NIPBL: variants seen among roughly 807,000 people sequenced by gnomAD.
NIPBL encodes nipped-B-like protein.
In NIPBL, 19 loss-of-function variants were observed where a neutral mutation model predicts 321.8. The observed-to-expected ratio is 0.06, with a 90% CI of 0.04 to 0.09. The LOEUF (loss-of-function observed/expected upper bound fraction) is 0.09, where lower values mean the gene tolerates loss of function less well. NIPBL is among the 10% of genes least tolerant of loss of function. NIPBL has a pLI of 1.00. For synonymous variants in NIPBL, 1,106 were observed against 1,114.1 expected, an observed-to-expected ratio of 0.99 and a Z score of 0.14; for missense variants, 2,210 against 3,327.0, an observed-to-expected ratio of 0.66 and a Z score of 8.26.
intron 1 of NIPBL, among the ~76,000 whole-genome samples, chr5:36,909,390 C>T (rs2149543718): frequency 6.6e-6 from 1 of 152,274 alleles, no homozygotes; most frequent in East Asian, 1.9e-4. Context: ...TTTGAATCTT[C>T]TTATTTTGTT....
chr5:37,064,116 C>G (rs1163038794), intron 46 of NIPBL, 138 bp downstream of exon 46: 1 of 1,448,498 alleles, frequency 6.9e-7, no homozygotes. Flanking sequence ...GATAGAGATT[C>G]TCTACTTACC....
intron 1 of NIPBL, among the ~76,000 whole-genome samples, chr5:36,883,270 T>C (rs535164754): frequency 6.6e-6 from 1 of 152,082 alleles, no homozygotes; most frequent in Non-Finnish European, 1.5e-5. Context: ...AACATGCATA[T>C]ACCAATTTCC....
intron 1 of NIPBL, among the ~76,000 whole-genome samples, chr5:36,900,040 A>C (rs1747082503): frequency 6.6e-6 from 1 of 152,172 alleles, no homozygotes; most frequent in Non-Finnish European, 1.5e-5. Context: ...TGATTATATT[A>C]ATAGCAATGA....
At chr5:36,972,100 C>T (rs568934786) in intron 8 of NIPBL, 59 bp downstream of exon 8, 2 of 1,098,026 alleles carry the variant, frequency 1.8e-6, no homozygotes, top group Non-Finnish European at 2.8e-6. Context: ...GAATAAAGAA[C>T]TCAGACTTCC....
At chr5:36,973,341 T>A (rs189207376) in intron 8 of NIPBL, among the ~76,000 whole-genome samples, 7 of 152,008 alleles carry the variant, frequency 4.6e-5, no homozygotes, top group Admixed American at 1.3e-4. Flanking sequence ...TTTTCAAAAA[T>A]TTTTTAAAAA....
At chr5:36,975,722 G>T in intron 8 of NIPBL, 54 bp from the exon 9 acceptor site, 1 of 1,534,794 alleles carries the variant, frequency 6.5e-7, no homozygotes, top group Non-Finnish European at 9.0e-7. Flanking sequence ...CTATCACATT[G>T]TAAGAAAATG....
At chr5:37,025,508 G>A (rs1404212112) in intron 30 of NIPBL, among the ~76,000 whole-genome samples, 2 of 152,186 alleles carry the variant, frequency 1.3e-5, no homozygotes, top group East Asian at 1.9e-4. Flanking sequence ...TTAGCAGAGG[G>A]AGGGAAGGGT....
Position 37,003,389 on chromosome 5 carries a change from A to T in NIPBL, c.3855+42A>T, listed in dbSNP as rs533977344. 3.3e-6 allele frequency: 4 copies of T among 1,195,794 alleles called. No individual in the cohort carries two copies. In the East Asian group the frequency reaches 9.4e-5, roughly 28 times the overall value. The allele number at this position is 1,195,794 out of a possible 1,614,324, so 74.1% of individuals were successfully genotyped here. On this transcript the variant is annotated intron_variant, in intron 16 of 46. Transcript: ENST00000282516. ...TACTGTTAATTTTACCCTTAATGTT[A>T]TTAAGATCTATAGTAGTCCCCCACT...
At chr5:36,940,962 A>G (rs1231056515) in intron 1 of NIPBL, among the ~76,000 whole-genome samples, 1 of 152,142 alleles carries the variant, frequency 6.6e-6, no homozygotes, top group Non-Finnish European at 1.5e-5. Context: ...ACTGGACTCT[A>G]AGGTCTGTGA....
At chr5:36,920,975 A>G (rs1748893468) in intron 1 of NIPBL, among the ~76,000 whole-genome samples, 1 of 152,040 alleles carries the variant, frequency 6.6e-6, no homozygotes, top group African/African-American at 2.4e-5. Context: ...CTTGTCATTC[A>G]GGACTGTACT....
intron 1 of NIPBL, among the ~76,000 whole-genome samples, chr5:36,939,347 C>T (rs562391027): frequency 6.6e-6 from 1 of 152,270 alleles, no homozygotes; most frequent in Non-Finnish European, 1.5e-5. Context: ...TTTTCACCAT[C>T]TCTACAATGT....
intron 30 of NIPBL, among the ~76,000 whole-genome samples, chr5:37,026,015 G>T (rs999323600): frequency 6.6e-6 from 1 of 151,928 alleles, no homozygotes; most frequent in Non-Finnish European, 1.5e-5. Context: ...TCACCCATTC[G>T]TATTGTTTAA....
At chr5:37,051,567 G>A (rs750629283) in intron 40 of NIPBL, 35 of 575,792 alleles carry the variant, frequency 6.1e-5, no homozygotes, top group African/African-American at 9.4e-5. Flanking sequence ...ATTTTATCAC[G>A]TCAGTATTTT....
chr5:37,031,791 A>C (rs182959116), intron 32 of NIPBL, among the ~76,000 whole-genome samples: 133 of 152,372 alleles, frequency 8.7e-4, no homozygotes, highest in African/African-American at 3.1e-3. Context: ...GTATTAATAC[A>C]TACAGCAACA....
In NIPBL at chr5:37,053,235, C is replaced by G. The variant is rs1027705889; in HGVS notation, c.7263+669C>G. ...GTTCCTGGGCTACAAACCTGTACAG[C>G]ATGTTACTGTACTGAATACTGTAGA... On this transcript the variant is annotated intron_variant, in intron 42 of 46. Coordinates refer to ENST00000282516, the MANE Select transcript of NIPBL (RefSeq NM_133433.4). Among the ~76,000 whole-genome samples, 6 of 152,266 alleles carry G rather than the reference C, an allele frequency of 3.9e-5. No individual in the cohort carries two copies. The South Asian group carries it at 1.0e-3, about 26-fold the overall frequency.
At chr5:36,901,237 G>A (rs568152762) in intron 1 of NIPBL, among the ~76,000 whole-genome samples, 1 of 152,198 alleles carries the variant, frequency 6.6e-6, no homozygotes, top group East Asian at 1.9e-4. Flanking sequence ...TAAGATAATG[G>A]CCTCCAGCTG....
At chr5:36,902,829 C>T (rs1580187181) in intron 1 of NIPBL, among the ~76,000 whole-genome samples, 2 of 152,054 alleles carry the variant, frequency 1.3e-5, no homozygotes, top group Admixed American at 6.6e-5. Context: ...TTGATAGGAA[C>T]AGCAATGAAT....
intron 22 of NIPBL, 65 bp from the exon 23 acceptor site, chr5:37,015,973 G>C (rs776094934): frequency 8.7e-5 from 132 of 1,525,960 alleles, no homozygotes; most frequent in Non-Finnish European, 1.2e-4. Context: ...CAATCATGTT[G>C]GTAGACAGAT....
At chr5:37,013,173 ACCC>A (rs1411834061) in intron 21 of NIPBL, among the ~76,000 whole-genome samples, 1 of 113,886 alleles carries the variant, frequency 8.8e-6, no homozygotes, top group African/African-American at 3.5e-5. Flanking sequence ...CGGGGGGCTG[ACCC>A]CCCCACCTCC....
Sources: allele counts gnomAD v4.1 joint callset (sites outside exome capture counted in the v4.1 genomes callset), GRCh38; gene constraint gnomAD v4.1.1; transcripts MANE v1.5; gene names NCBI Gene and HGNC (gene_info 2026-07-23, HGNC 2026-07-21).